The following CST1 variants were observed in gnomAD, a reference collection of about 807,000 sequenced individuals.
The protein encoded by CST1 is cystatin-SN.
A neutral mutation model predicts 10.7 loss-of-function variants in CST1; 19 were observed. The ratio of observed to expected loss-of-function variants is 1.78; its 90% CI spans 1.24 to 2.61. The LOEUF is 2.61. Ranked by LOEUF, CST1 falls within the 30% of genes most tolerant of loss-of-function variation. The pLI is 0.00. For synonymous variants in CST1, 95 were observed against 72.8 expected (o/e 1.31, Z -1.55); for missense variants, 247 against 178.1 (o/e 1.39, Z -2.20).
In CST1 at chr20:23,750,661, C is replaced by T. The variant is rs3188305; in HGVS notation, c.206G>A (p.Arg69Gln). 1.9e-5 allele frequency: 31 copies of T among 1,613,814 alleles called. No homozygotes were observed. Among genetic ancestry groups the T allele is most frequent in the East Asian group, 1.6e-4 (7 of 44,866 alleles). Residue 69 changes from arginine (R) to glutamine (Q), a missense_variant, in exon 1 of 3, where the codon CGG (arginine) becomes CAG (glutamine). Arg to Gln is a conservative substitution (Grantham distance 43). Coordinates refer to ENST00000304749, the MANE Select transcript of CST1 (RefSeq NM_001898.3). ...TACCTGTTGCCTGGCTCTTAGTACCCGCAGCGGACGTCTGTAGTAGTCATC... is the reference window on the plus strand; with the variant it reads ...TACCTGTTGCCTGGCTCTTAGTACCTGCAGCGGACGTCTGTAGTAGTCATC... ...TKDDYYRRPL[R>Q]VLRARQQTVG...
At chr20:23,748,878 G>A (rs1982747285) in intron 2 of CST1, 138 bp downstream of exon 2, 12 of 662,740 alleles carry the variant, frequency 1.8e-5, no homozygotes, top group South Asian at 9.2e-5. Flanking sequence ...ACATGAACAC[G>A]TACACATCCA....
At chr20:23,748,051 A>T in intron 2 of CST1, 152 bp from the exon 3 acceptor site, 1 of 777,704 alleles carries the variant, frequency 1.3e-6, no homozygotes, top group East Asian at 2.7e-5. Context: ...GCTGAACTAG[A>T]ATGAATAGTG....
rs772372352 is a variant in CST1 at position 23,750,856 on chromosome 20, T to C, written c.11A>G (p.Tyr4Cys). The C allele has an allele frequency of 8.7e-6, 14 of 1,610,914 alleles. No individual in the cohort carries two copies. Among genetic ancestry groups the C allele is most frequent in the Non-Finnish European group, 1.2e-5 (14 of 1,178,390 alleles). The change falls in exon 1 of 3, where the codon TAT becomes TGT. Residue 4 changes from tyrosine to cysteine, a missense_variant. By Grantham distance (194) the Tyr-to-Cys change is radical (BLOSUM62 -2). Transcript: ENST00000304749. Reference sequence around the variant, plus strand: ...CAGCAGGAGCAGCAGGGTACTCAGATACTGGGCCATGGTCTCCTCAGAGGC... The same window carrying C: ...CAGCAGGAGCAGCAGGGTACTCAGACACTGGGCCATGGTCTCCTCAGAGGC... MAQ[Y>C]LSTLLLLLAT...
intron 1 of CST1, among the ~76,000 whole-genome samples, chr20:23,750,238 TG>T (rs1982792858): frequency 6.6e-6 from 1 of 152,056 alleles, no homozygotes; most frequent in African/African-American, 2.4e-5. Context: ...GGGCGTGACT[TG>T]GGGAAGCAGG....
At chr20:23,750,307 G>A (rs1295847539) in intron 1 of CST1, among the ~76,000 whole-genome samples, 2 of 152,164 alleles carry the variant, frequency 1.3e-5, no homozygotes, top group Non-Finnish European at 2.9e-5. Context: ...GACTCAGGGA[G>A]GAGTATGAAC....
chr20:23,748,927 C>T, intron 2 of CST1, 89 bp downstream of exon 2: 1 of 1,342,986 alleles, frequency 7.4e-7, no homozygotes, highest in Admixed American at 1.7e-5. Context: ...TGCACACACA[C>T]ACCCTCCAAA....
chr20:23,747,714 T>A lies in CST1; in HGVS notation c.*102A>T. ...CTGTCTGTCTCTTGGCGCAGGCACA[T>A]GGGGAGGCCTCCCGCAGGGTGGGGG... is the stretch of plus-strand genomic sequence containing the variant. On this transcript the variant is annotated 3_prime_UTR_variant, in exon 3 of 3. Coordinates refer to ENST00000304749, the MANE Select transcript of CST1 (RefSeq NM_001898.3). 1 of 1,092,106 alleles carries A rather than the reference T, an allele frequency of 9.2e-7. No homozygotes were observed. The highest frequency in any genetic ancestry group is 2.0e-5 in the Admixed American group (1 of 49,656). The allele number at this position is 1,092,106 out of a possible 1,614,324, so 67.7% of individuals were successfully genotyped here. A position where few individuals can be genotyped will look rare whatever the true frequency, so the allele number is the denominator to read the frequency against.
chr20:23,749,611 C>CA (rs1982773913), intron 1 of CST1, among the ~76,000 whole-genome samples: 1 of 152,084 alleles, frequency 6.6e-6, no homozygotes. Flanking sequence ...CTTACAGTTG[C>CA]AGATTAGAAT....
At position 23,749,090 on chromosome 20, in the gene CST1, C is replaced by T. The variant is rs370189313; in HGVS notation, c.268G>A (p.Gly90Ser). 49 of 1,613,978 alleles carry T rather than the reference C, an allele frequency of 3.0e-5. No individual in the cohort carries two copies. The highest frequency in any genetic ancestry group is 4.0e-5 in the Non-Finnish European group (47 of 1,180,030). ...TGGGACTTGGTACATATGGTGCGGC[C>T]CACCTCTACGTCGAAGAAGTAATTC... Reference protein sequence around the residue: ...GVNYFFDVEVGRTICTKSQPN... With the variant: ...GVNYFFDVEVSRTICTKSQPN... Residue 90 changes from glycine (G) to serine (S), a missense_variant, in exon 2 of 3, where the codon GGC becomes AGC. Physicochemically the swap from Gly to Ser is moderately conservative, Grantham distance 56. Coordinates refer to ENST00000304749, the MANE Select transcript of CST1 (RefSeq NM_001898.3).
intron 2 of CST1, among the ~76,000 whole-genome samples, chr20:23,748,565 C>T (rs571113443): frequency 1.3e-5 from 2 of 152,300 alleles, no homozygotes; most frequent in African/African-American, 2.4e-5. Context: ...TCCTGTCCAA[C>T]AGGCAACACT....
At chr20:23,748,706 AC>A (rs1180895859) in intron 2 of CST1, among the ~76,000 whole-genome samples, 1 of 151,662 alleles carries the variant, frequency 6.6e-6, no homozygotes, top group Admixed American at 6.6e-5. Context: ...ACTCACTTGG[AC>A]CCCTCATCCC....
At chr20:23,748,914 A>G (rs1277110917) in intron 2 of CST1, 102 bp downstream of exon 2, 4 of 822,642 alleles carry the variant, frequency 4.9e-6, no homozygotes, top group African/African-American at 7.2e-5. Flanking sequence ...CCACATACCC[A>G]CCTGCACACA....
At chr20:23,750,019 G>A (rs1182314817) in intron 1 of CST1, among the ~76,000 whole-genome samples, 1 of 151,758 alleles carries the variant, frequency 6.6e-6, no homozygotes, top group Non-Finnish European at 1.5e-5. Context: ...GCTGGGCCCA[G>A]TTGCCCTGCT....
At chr20:23,748,677 T>C (rs1256580148) in intron 2 of CST1, among the ~76,000 whole-genome samples, 4 of 152,090 alleles carry the variant, frequency 2.6e-5, no homozygotes, top group Non-Finnish European at 4.4e-5. Flanking sequence ...CATCTGCACA[T>C]ACATGGACAA....
intron 2 of CST1, among the ~76,000 whole-genome samples, chr20:23,748,677 T>G (rs1256580148): frequency 6.6e-6 from 1 of 151,972 alleles, no homozygotes; most frequent in Non-Finnish European, 1.5e-5. Context: ...CATCTGCACA[T>G]ACATGGACAA....
intron 2 of CST1, among the ~76,000 whole-genome samples, 157 bp downstream of exon 2, chr20:23,748,859 C>T (rs4465840): frequency 0.72 from 108,914 of 151,392 alleles, 40,007 homozygotes; most frequent in African/African-American, 0.86. Context: ...TGCACACCCC[C>T]CCATAAGTAC....
chr20:23,749,585 C>T (rs1600406319), intron 1 of CST1, among the ~76,000 whole-genome samples: 4 of 152,288 alleles, frequency 2.6e-5, no homozygotes, highest in Admixed American at 2.6e-4. Context: ...CTCAAGTCAG[C>T]AGCACACCTG....
In CST1 at chr20:23,750,862, G is replaced by A; in HGVS notation, c.5C>T (p.Ala2Val). The change falls in exon 1 of 3, where the codon GCC becomes GTC. Residue 2 changes from alanine (A) to valine (V), a missense_variant. By Grantham distance (64) the Ala-to-Val change is moderately conservative (BLOSUM62 0). Coordinates refer to ENST00000304749, the MANE Select transcript of CST1 (RefSeq NM_001898.3). MAQYLSTLLLLL... is the reference protein window; with the variant it reads MVQYLSTLLLLL... Reference sequence around the variant, plus strand: ...GAGCAGCAGGGTACTCAGATACTGGGCCATGGTCTCCTCAGAGGCAGAGCA... The same window carrying A: ...GAGCAGCAGGGTACTCAGATACTGGACCATGGTCTCCTCAGAGGCAGAGCA... 2 of 1,607,200 alleles carry A rather than the reference G, an allele frequency of 1.2e-6. No homozygotes were observed. Among genetic ancestry groups the A allele is most frequent in the Non-Finnish European group, 1.7e-6 (2 of 1,176,556 alleles).
chr20:23,748,371 GA>G (rs1246080148), intron 2 of CST1, among the ~76,000 whole-genome samples: 2 of 152,144 alleles, frequency 1.3e-5, no homozygotes, highest in African/African-American at 4.8e-5. Context: ...GACCTCACAA[GA>G]ACCAGCAGGT....
Sources: allele counts gnomAD v4.1 joint callset (sites outside exome capture counted in the v4.1 genomes callset), GRCh38; gene constraint gnomAD v4.1.1; transcripts MANE v1.5; gene names NCBI Gene and HGNC (gene_info 2026-07-23, HGNC 2026-07-21).